The following PAPPA2 variants were observed in gnomAD, a reference collection of about 807,000 sequenced individuals.
The protein encoded by PAPPA2 is pappalysin-2.
In PAPPA2, 86 loss-of-function variants were observed where a neutral mutation model predicts 176.4. The observed-to-expected ratio is 0.49, with a 90% CI of 0.41 to 0.58. The LOEUF (loss-of-function observed/expected upper bound fraction) is 0.58. Ranked by LOEUF, PAPPA2 falls within the 20% of genes least tolerant of loss-of-function variation. The pLI, the probability that PAPPA2 is intolerant of heterozygous loss-of-function variation, is 0.00. For missense variants in PAPPA2, 2,073 were observed against 2,256.9 expected (o/e 0.92, Z 1.65); for synonymous variants, 809 against 852.2 (o/e 0.95, Z 0.88).
At chr1:176,568,686 C>A (rs1030321897) in intron 2 of PAPPA2, among the ~76,000 whole-genome samples, 1 of 152,118 alleles carries the variant, frequency 6.6e-6, no homozygotes, top group Non-Finnish European at 1.5e-5. Flanking sequence ...CATCACTGCC[C>A]CTCACTCTCC....
intron 2 of PAPPA2, among the ~76,000 whole-genome samples, chr1:176,573,850 G>A (rs1283079062): frequency 6.6e-6 from 1 of 152,128 alleles, no homozygotes; most frequent in Non-Finnish European, 1.5e-5. Flanking sequence ...TGCTTTCAGA[G>A]GGGGGCACTG....
intron 2 of PAPPA2, among the ~76,000 whole-genome samples, chr1:176,585,435 TG>T (rs1653249917): frequency 6.6e-6 from 1 of 152,212 alleles, no homozygotes; most frequent in Non-Finnish European, 1.5e-5. Context: ...CTTTGACTTT[TG>T]GCAAAACTCA....
intron 3 of PAPPA2, among the ~76,000 whole-genome samples, chr1:176,604,254 C>A (rs1654488266): frequency 1.3e-5 from 2 of 151,994 alleles, no homozygotes; most frequent in South Asian, 4.1e-4. Context: ...CTTTATTTTT[C>A]TTTTTAGAAT....
At chr1:176,587,719 G>A (rs184749087) in intron 2 of PAPPA2, among the ~76,000 whole-genome samples, 3 of 152,244 alleles carry the variant, frequency 2.0e-5, no homozygotes, top group Admixed American at 6.5e-5. Context: ...GTCAGGTAGC[G>A]TGATGCCTCC....
chr1:176,777,334 C>T (rs968263101), intron 17 of PAPPA2, among the ~76,000 whole-genome samples: 4 of 152,062 alleles, frequency 2.6e-5, no homozygotes, highest in African/African-American at 7.2e-5. Context: ...ACTTTTGGTC[C>T]GCATGAACAG....
chr1:176,512,079 A>T lies in PAPPA2; in HGVS notation c.-916-43328A>T, dbSNP rs562429338. 7.9e-5 allele frequency among the ~76,000 whole-genome samples: 12 copies of T among 152,290 alleles called. No individual in the cohort carries two copies. The South Asian group carries it at 2.1e-3, about 26-fold the overall frequency. ...AAAGAATAAAAAGGACCTCCCCAAA[A>T]TGGCAAAATATTTCATATCATTTTT... On this transcript the variant is annotated intron_variant, in intron 1 of 22. Coordinates refer to ENST00000367662, the MANE Select transcript of PAPPA2 (RefSeq NM_020318.3).
intron 12 of PAPPA2, among the ~76,000 whole-genome samples, chr1:176,733,608 G>A (rs1389830010): frequency 6.6e-6 from 1 of 151,964 alleles, no homozygotes; most frequent in African/African-American, 2.4e-5. Flanking sequence ...TTTTATCCAC[G>A]ATAGAATCCT....
At chr1:176,466,709 T>C (rs189392215) in intron 1 of PAPPA2, among the ~76,000 whole-genome samples, 25 of 152,162 alleles carry the variant, frequency 1.6e-4, no homozygotes, top group Non-Finnish European at 3.5e-4. Context: ...TGGTTTGCCA[T>C]GGGCTATGAA....
intron 2 of PAPPA2, among the ~76,000 whole-genome samples, chr1:176,576,449 G>A (rs1197910632): frequency 1.3e-5 from 2 of 150,556 alleles, no homozygotes; most frequent in Admixed American, 1.3e-4. Context: ...TGTCCCAAAT[G>A]GTCACTAGGG....
intron 3 of PAPPA2, among the ~76,000 whole-genome samples, chr1:176,636,564 G>C (rs1656710696): frequency 6.6e-6 from 1 of 151,982 alleles, no homozygotes; most frequent in African/African-American, 2.4e-5. Context: ...TAAATATTTG[G>C]GATTGCTGAC....
At chr1:176,640,168 A>T (rs942906093) in intron 3 of PAPPA2, among the ~76,000 whole-genome samples, 3 of 149,654 alleles carry the variant, frequency 2.0e-5, no homozygotes, top group African/African-American at 7.3e-5. Flanking sequence ...TTTATTTTTT[A>T]TTTTTATTTT....
chr1:176,722,194 G>A (rs1304852327), intron 12 of PAPPA2, among the ~76,000 whole-genome samples: 1 of 151,892 alleles, frequency 6.6e-6, no homozygotes, highest in Non-Finnish European at 1.5e-5. Context: ...TTGATGGAGG[G>A]GTCTGTTTAG....
chr1:176,564,065 T>C (rs1050591138), intron 2 of PAPPA2, among the ~76,000 whole-genome samples: 70 of 152,320 alleles, frequency 4.6e-4, no homozygotes, highest in African/African-American at 1.6e-3. Flanking sequence ...TTCCTCGGAA[T>C]TGTCCCCCCC....
intron 14 of PAPPA2, among the ~76,000 whole-genome samples, chr1:176,763,961 A>G (rs951548040): frequency 1.3e-5 from 2 of 152,216 alleles, no homozygotes; most frequent in Non-Finnish European, 2.9e-5. Context: ...AAGTGCAAGA[A>G]GCATGACGCT....
At chr1:176,616,286 G>C in intron 3 of PAPPA2, 1 of 511,392 alleles carries the variant, frequency 2.0e-6, no homozygotes, top group Non-Finnish European at 3.8e-6. Context: ...TGCAACAGTT[G>C]TTTATATGAC....
intron 1 of PAPPA2, among the ~76,000 whole-genome samples, chr1:176,537,076 C>G (rs1650104203): frequency 1.3e-5 from 2 of 152,142 alleles, no homozygotes; most frequent in Admixed American, 6.5e-5. Context: ...CATACTTTCT[C>G]CATTCATGGC....
At chr1:176,759,121 A>G (rs1215868023) in intron 14 of PAPPA2, among the ~76,000 whole-genome samples, 1 of 152,232 alleles carries the variant, frequency 6.6e-6, no homozygotes, top group Non-Finnish European at 1.5e-5. Flanking sequence ...AAGCAAAGCT[A>G]TACGCTAGAT....
intron 3 of PAPPA2, among the ~76,000 whole-genome samples, chr1:176,611,229 T>C (rs1654905621): frequency 6.6e-6 from 1 of 152,046 alleles, no homozygotes; most frequent in African/African-American, 2.4e-5. Flanking sequence ...GTAGAGAGAG[T>C]ATATTATATG....
At chr1:176,808,157 G>A (rs571567234) in intron 21 of PAPPA2, among the ~76,000 whole-genome samples, 1 of 151,620 alleles carries the variant, frequency 6.6e-6, no homozygotes, top group East Asian at 1.9e-4. Context: ...AAAAAAAAAT[G>A]CTTAAGAATT....
Sources: allele counts gnomAD v4.1 joint callset (sites outside exome capture counted in the v4.1 genomes callset), GRCh38; gene constraint gnomAD v4.1.1; transcripts MANE v1.5; gene names NCBI Gene and HGNC (gene_info 2026-07-23, HGNC 2026-07-21).